Variants in RALGPS2 observed in about 807,000 individuals in gnomAD.
RALGPS2 encodes Ral GEF with PH domain and SH3 binding motif 2, also known as ras-specific guanine nucleotide-releasing factor RalGPS2.
RALGPS2 carries 43 observed loss-of-function variants against 86.8 expected under a neutral mutation model. That is an observed-to-expected ratio of 0.50 (90% CI 0.39 to 0.64). RALGPS2 has a LOEUF of 0.64. Ranked by LOEUF, RALGPS2 falls within the 30% of genes least tolerant of loss-of-function variation. The probability of loss-of-function intolerance (pLI) is 0.00; values close to 1 mark genes in which losing one functional copy is unlikely to be tolerated. For synonymous variants in RALGPS2, 243 were observed against 231.3 expected (o/e 1.05, Z -0.46); for missense variants, 536 against 694.6 (o/e 0.77, Z 2.57).
chr1:178,896,600 C>G (rs1470166310), intron 16 of RALGPS2, among the ~76,000 whole-genome samples: 3 of 149,592 alleles, frequency 2.0e-5, no homozygotes, highest in Non-Finnish European at 4.4e-5. Flanking sequence ...GTATATCTCC[C>G]GATGCTATCC....
Position 178,864,942 on chromosome 1 carries a change from G to C in RALGPS2, c.608-12556G>C, listed in dbSNP as rs559046263. 4 of 1,429,964 alleles carry C rather than the reference G, an allele frequency of 2.8e-6. No individual in the cohort carries two copies. In the African/African-American group the frequency reaches 5.7e-5, roughly 20 times the overall value. 88.6% of individuals were successfully genotyped at this position (1,429,964 alleles called of 1,614,324 possible). A position where few individuals can be genotyped will look rare whatever the true frequency, so the allele number is the denominator to read the frequency against. The stretch of plus-strand genomic sequence containing the variant: ...CTCATACTCCCACTTTTTACAGTAA[G>C]AGGTAACTCACCTTCATTGATGAAA... On this transcript the variant is annotated intron_variant, in intron 8 of 19. Transcript: ENST00000367635.
At chr1:178,877,330 A>G (rs1040039020) in intron 8 of RALGPS2, among the ~76,000 whole-genome samples, 168 bp from the exon 9 acceptor site, 2 of 152,100 alleles carry the variant, frequency 1.3e-5, no homozygotes, top group African/African-American at 2.4e-5. Flanking sequence ...ATGGAAAGCT[A>G]GGCCCCAGTA....
In RALGPS2 at chr1:178,861,493, A is replaced by G. The variant is rs7530484; in HGVS notation, c.608-16005A>G. Among the ~76,000 whole-genome samples, 506 of 152,020 alleles carry G rather than the reference A, an allele frequency of 3.3e-3. 3 individuals are homozygous for G. Among genetic ancestry groups the G allele is most frequent in the African/African-American group, 0.012 (498 of 41,490 alleles). Reference sequence around the variant, plus strand: ...ATGCTAAGTGTATAATAAAACATAGAATTGGTATGTTTCATTTTGTATAAA... The same window carrying G: ...ATGCTAAGTGTATAATAAAACATAGGATTGGTATGTTTCATTTTGTATAAA... On this transcript the variant is annotated intron_variant, in intron 8 of 19. Transcript: ENST00000367635.
chr1:178,875,763 A>T (rs950540801), intron 8 of RALGPS2, among the ~76,000 whole-genome samples: 3 of 151,434 alleles, frequency 2.0e-5, no homozygotes, highest in Admixed American at 6.6e-5. Flanking sequence ...AAAATGGTTT[A>T]AAAAAAAATA....
chr1:178,790,172 A>C (rs1255551930), intron 4 of RALGPS2, among the ~76,000 whole-genome samples: 1 of 151,998 alleles, frequency 6.6e-6, no homozygotes, highest in South Asian at 2.1e-4. Flanking sequence ...GGCTGGTCTC[A>C]AACTCCAAGG....
intron 1 of RALGPS2, among the ~76,000 whole-genome samples, chr1:178,750,130 C>A (rs1651571772): frequency 1.3e-5 from 2 of 152,084 alleles, no homozygotes; most frequent in Admixed American, 1.3e-4. Flanking sequence ...AACAAAAAAA[C>A]AGTACTTTCT....
At chr1:178,812,466 G>C (rs547066824) in intron 6 of RALGPS2, among the ~76,000 whole-genome samples, 2 of 152,304 alleles carry the variant, frequency 1.3e-5, no homozygotes, top group African/African-American at 4.8e-5. Context: ...GATGCTCAGA[G>C]GAAGCCTAGC....
chr1:178,768,040 G>C (rs977401448), intron 1 of RALGPS2, among the ~76,000 whole-genome samples: 1 of 152,180 alleles, frequency 6.6e-6, no homozygotes, highest in Non-Finnish European at 1.5e-5. Context: ...ACTGTATCTG[G>C]CCTGATTTCT....
chr1:178,839,672 A>T (rs1558143508), intron 8 of RALGPS2, among the ~76,000 whole-genome samples: 1 of 152,118 alleles, frequency 6.6e-6, no homozygotes, highest in Non-Finnish European at 1.5e-5. Flanking sequence ...ATATTAACTA[A>T]ATGTAAATGG....
chr1:178,891,820 A>G (rs1033916216), intron 14 of RALGPS2, among the ~76,000 whole-genome samples: 1 of 152,088 alleles, frequency 6.6e-6, no homozygotes, highest in African/African-American at 2.4e-5. Context: ...GGGACATATA[A>G]TAAAAATGAA....
chr1:178,833,594 T>C, intron 8 of RALGPS2, 44 bp downstream of exon 8: 3 of 1,509,134 alleles, frequency 2.0e-6, no homozygotes, highest in Non-Finnish European at 2.6e-6. Context: ...GTTGTTACTC[T>C]TCCTTACTCA....
chr1:178,818,667 C>G (rs1386981087), intron 6 of RALGPS2, among the ~76,000 whole-genome samples: 2 of 152,196 alleles, frequency 1.3e-5, no homozygotes, highest in African/African-American at 4.8e-5. Context: ...CCTACAGATT[C>G]TAGTCTATTA....
At chr1:178,745,027 T>G (rs1651237263) in intron 1 of RALGPS2, among the ~76,000 whole-genome samples, 1 of 152,148 alleles carries the variant, frequency 6.6e-6, no homozygotes, top group Admixed American at 6.6e-5. Context: ...AGTTGGAAAT[T>G]GAAATGTAAT....
Position 178,882,102 on chromosome 1 carries a change from T to C in RALGPS2, c.837-1364T>C, listed in dbSNP as rs534089690. Among the ~76,000 whole-genome samples, 4 of 152,234 alleles carry C rather than the reference T, an allele frequency of 2.6e-5. No homozygotes were observed. In the East Asian group the frequency reaches 5.8e-4, roughly 22 times the overall value. ...ATAATGTGGTGCTTTGACGATGTTG[T>C]AAGCAGCTGGCACTCAGACTAGCCT... On this transcript the variant is annotated intron_variant, in intron 10 of 19. Transcript: ENST00000367635.
intron 17 of RALGPS2, among the ~76,000 whole-genome samples, chr1:178,898,757 A>G (rs1660047156): frequency 6.6e-6 from 1 of 151,932 alleles, no homozygotes; most frequent in South Asian, 2.1e-4. Context: ...TTATTATATA[A>G]TTGTTAAGAT....
rs185347848 is a variant in RALGPS2, at chr1:178,786,513, T to G, written c.213+906T>G. Reference sequence around the variant, plus strand: ...CATCTATCCACTATAAGCATGGGGGTGTGTGTGTGTATAGTGTTCCTATCA... The same window carrying G: ...CATCTATCCACTATAAGCATGGGGGGGTGTGTGTGTATAGTGTTCCTATCA... On this transcript the variant is annotated intron_variant, in intron 4 of 19. Coordinates refer to ENST00000367635, the MANE Select transcript of RALGPS2 (RefSeq NM_152663.5). 3.9e-4 allele frequency among the ~76,000 whole-genome samples: 59 copies of G among 151,738 alleles called. 2 individuals are homozygous for G. The East Asian group carries it at 9.5e-3, about 24-fold the overall frequency.
chr1:178,726,150 C>G (rs901002756), intron 1 of RALGPS2: 13 of 152,276 alleles, frequency 8.5e-5, no homozygotes, highest in African/African-American at 2.9e-4. Flanking sequence ...CAAACACTTG[C>G]AAAGCCGGGA....
intron 4 of RALGPS2, among the ~76,000 whole-genome samples, chr1:178,787,126 A>T (rs1653692564): frequency 6.6e-6 from 1 of 152,236 alleles, no homozygotes; most frequent in South Asian, 2.1e-4. Context: ...AGAAAAAACC[A>T]GAAATACTTA....
rs149781897 is a variant in RALGPS2, at chr1:178,761,551, G to A, written c.-83-15131G>A. ...CAGTTTATTGATAAAGCTTTCAATT[G>A]TTTTTATTTGTTTGTTTGTTTGTTT... On this transcript the variant is annotated intron_variant, in intron 1 of 19. Transcript: ENST00000367635. Among the ~76,000 whole-genome samples the A allele has an allele frequency of 4.6e-5, 7 of 151,988 alleles. No homozygotes were observed. In the East Asian group the frequency reaches 1.2e-3, roughly 25 times the overall value.
Sources: gnomAD v4.1 joint callset for allele counts (sites outside exome capture counted in the v4.1 genomes callset) on GRCh38, gnomAD v4.1.1 for gene constraint, MANE v1.5 for transcripts, NCBI Gene and HGNC (gene_info 2026-07-23, HGNC 2026-07-21) for gene names.